FRMD6: variants seen among roughly 807,000 people sequenced by gnomAD.
FRMD6 encodes the protein FERM domain containing 6.
FRMD6 carries 37 observed loss-of-function variants against 73.2 expected under a neutral mutation model. That is an observed-to-expected ratio of 0.51 (90% CI 0.39 to 0.66). The LOEUF is 0.66. Among genes scored for constraint, FRMD6 ranks in the 30% least tolerant of loss-of-function variants. The pLI is 0.00. For missense variants in FRMD6, 714 were observed against 780.5 expected, an observed-to-expected ratio of 0.91 and a Z score of 1.02; for synonymous variants, 273 against 282.2, an observed-to-expected ratio of 0.97 and a Z score of 0.33.
intron 1 of FRMD6, among the ~76,000 whole-genome samples, chr14:51,565,749 CGAGGCCTTA>C (rs1887735552): frequency 6.6e-6 from 1 of 152,026 alleles, no homozygotes; most frequent in African/African-American, 2.4e-5. Flanking sequence ...CTAGAGGTGG[CGAGGCCTTA>C]GATGGAAGTC....
intron 2 of FRMD6, among the ~76,000 whole-genome samples, chr14:51,625,295 A>T (rs1042150237): frequency 1.3e-5 from 2 of 152,154 alleles, no homozygotes; most frequent in African/African-American, 4.8e-5. Flanking sequence ...TGGTGGTTAT[A>T]TATTTTTCTT....
In FRMD6 at chr14:51,708,193, G is replaced by A. The variant is rs757857317; in HGVS notation, c.674G>A (p.Arg225Gln). The A allele has an allele frequency of 4.7e-5, 76 of 1,613,040 alleles. 2 individuals carry two copies. The South Asian group carries it at 7.1e-4, about 15-fold the overall frequency. ...AHLKYIKEAV[R>Q]LDDVAVHYYR... The stretch of plus-strand genomic sequence containing the variant: ...CTTAAATATATCAAAGAGGCTGTCC[G>A]ACTGGATGACGTCGCTGTTCATTAC... Residue 225 changes from arginine to glutamine, a missense_variant, in exon 7 of 14, where the codon CGA becomes CAA. Coordinates refer to ENST00000344768, the MANE Select transcript of FRMD6 (RefSeq NM_001267046.2).
At chr14:51,402,812 G>A in the FRMD6 span, among the ~76,000 whole-genome samples, 1 of 151,934 alleles carries the variant, frequency 6.6e-6, no homozygotes, top group East Asian at 1.9e-4. Flanking sequence ...CTAATTTTTT[G>A]TATTTTTAGT....
intron 2 of FRMD6, among the ~76,000 whole-genome samples, chr14:51,643,114 T>C (rs1284239097): frequency 2.0e-5 from 3 of 152,224 alleles, no homozygotes; most frequent in Admixed American, 2.0e-4. Context: ...CAAGCATCAC[T>C]ACTTATTTTC....
At chr14:51,471,372 G>C in the FRMD6 span, among the ~76,000 whole-genome samples, 975 of 152,004 alleles carry the variant, frequency 6.4e-3, 9 homozygotes, top group African/African-American at 0.022. Flanking sequence ...GTGGTGGCAG[G>C]CGCCTGTAGT....
chr14:51,655,841 T>A (rs1034085558), intron 1 of FRMD6, among the ~76,000 whole-genome samples: 35 of 152,344 alleles, frequency 2.3e-4, no homozygotes, highest in Non-Finnish European at 2.6e-4. Flanking sequence ...CCTGTCTTTG[T>A]GTTGAATCAC....
rs1389602372 is a variant in FRMD6, at chr14:51,606,434, G to T, written c.-147+36024G>T. Among the ~76,000 whole-genome samples, 4 of 152,216 alleles carry T rather than the reference G, an allele frequency of 2.6e-5. No homozygotes were observed. In the South Asian group the frequency reaches 8.3e-4, roughly 32 times the overall value. ...ATGCACATATGTACACCCCTGCTGG[G>T]CACTCTGCAGGCCTTTTCCAAGGAA... On this transcript the variant is annotated intron_variant, in intron 2 of 14. Coordinates refer to the FRMD6 transcript ENST00000356218.
intron 13 of FRMD6, among the ~76,000 whole-genome samples, chr14:51,726,509 C>T (rs887920743): frequency 6.6e-6 from 1 of 152,066 alleles, no homozygotes. Context: ...CATTCTGGCT[C>T]TCCTTGTCCC....
intron 2 of FRMD6, among the ~76,000 whole-genome samples, chr14:51,589,480 A>T (rs1889250445): frequency 6.6e-6 from 1 of 152,022 alleles, no homozygotes; most frequent in South Asian, 2.1e-4. Context: ...GCTTGGGTTG[A>T]AGAAGGGTGA....
At chr14:51,455,999 A>G in the FRMD6 span, among the ~76,000 whole-genome samples, 1 of 152,138 alleles carries the variant, frequency 6.6e-6, no homozygotes, top group Admixed American at 6.5e-5. Context: ...TGGGTGGGTG[A>G]AGCCTGCAGG....
At chr14:51,654,906 A>G (rs1042508309) in intron 1 of FRMD6, among the ~76,000 whole-genome samples, 1 of 152,186 alleles carries the variant, frequency 6.6e-6, no homozygotes, top group Non-Finnish European at 1.5e-5. Context: ...TACAAACCTC[A>G]TAAATGCCCT....
At chr14:51,581,785 A>G (rs1205567616) in intron 2 of FRMD6, among the ~76,000 whole-genome samples, 1 of 151,858 alleles carries the variant, frequency 6.6e-6, no homozygotes, top group Non-Finnish European at 1.5e-5. Context: ...GTTGAGCAAA[A>G]GAACTTTATG....
chr14:51,518,333 A>T (rs566629408), intron 1 of FRMD6, among the ~76,000 whole-genome samples: 4 of 152,224 alleles, frequency 2.6e-5, no homozygotes, highest in Non-Finnish European at 4.4e-5. Flanking sequence ...ACCACCATCC[A>T]TGGCACCCTG....
At chr14:51,429,086 T>C in the FRMD6 span, among the ~76,000 whole-genome samples, 1 of 150,344 alleles carries the variant, frequency 6.7e-6, no homozygotes, top group African/African-American at 2.5e-5. Flanking sequence ...AGAGAACAGG[T>C]GAGCTCAAAT....
At chr14:51,516,157 C>T (rs972793374) in intron 1 of FRMD6, among the ~76,000 whole-genome samples, 1 of 152,040 alleles carries the variant, frequency 6.6e-6, no homozygotes, top group Admixed American at 6.6e-5. Context: ...CACTGGTGAA[C>T]CCCTTGCCTT....
the FRMD6 span, among the ~76,000 whole-genome samples, chr14:51,456,045 C>T: frequency 1.4e-4 from 22 of 152,074 alleles, no homozygotes; most frequent in Middle Eastern, 3.2e-3. Context: ...CATCCAGACG[C>T]GGATAAAGTC....
At chr14:51,520,833 T>TGAG (rs1433612866) in intron 1 of FRMD6, among the ~76,000 whole-genome samples, 3 of 152,002 alleles carry the variant, frequency 2.0e-5, no homozygotes, top group African/African-American at 7.3e-5. Context: ...CACCTGAGCC[T>TGAG]GAGGAGGTCG....
At chr14:51,658,784 A>AT (rs1339614817) in intron 1 of FRMD6, among the ~76,000 whole-genome samples, 1 of 152,148 alleles carries the variant, frequency 6.6e-6, no homozygotes, top group Admixed American at 6.5e-5. Flanking sequence ...TCATGTATAC[A>AT]TTTTATTTTA....
upstream of FRMD6, chr14:51,649,503 G>C (rs1323387224): frequency 3.3e-5 from 5 of 151,986 alleles, 1 homozygote; most frequent in East Asian, 9.6e-4. Flanking sequence ...AAATAAATCA[G>C]ATTTAGGAAC....
Sources: allele counts gnomAD v4.1 joint callset (sites outside exome capture counted in the v4.1 genomes callset), GRCh38; gene constraint gnomAD v4.1.1; transcripts MANE v1.5; gene names NCBI Gene and HGNC (gene_info 2026-07-23, HGNC 2026-07-21).